The following VSTM2L variants were observed in gnomAD, a reference collection of about 807,000 sequenced individuals.
VSTM2L encodes V-set and transmembrane domain containing 2 like, also known as V-set and transmembrane domain-containing protein 2-like protein.
VSTM2L carries 9 observed loss-of-function variants against 19.9 expected under a neutral mutation model. That is an observed-to-expected ratio of 0.45 (90% confidence interval 0.27 to 0.79). The LOEUF (loss-of-function observed/expected upper bound fraction) is 0.79. Ranked by LOEUF, VSTM2L falls within the 30% of genes least tolerant of loss-of-function variation. The pLI, the probability that VSTM2L is intolerant of heterozygous loss-of-function variation, is 0.15. For missense variants in VSTM2L, 286 were observed against 295.5 expected, an observed-to-expected ratio of 0.97 and a Z score of 0.24; for synonymous variants, 127 against 133.8, an observed-to-expected ratio of 0.95 and a Z score of 0.35.
chr20:37,911,257 A>AAAAAAAAAAAAAAAAAAAAAG (rs1555839035), intron 1 of VSTM2L, among the ~76,000 whole-genome samples: 1 of 131,602 alleles, frequency 7.6e-6, no homozygotes, highest in African/African-American at 3.4e-5. Context: ...AAAAAAAAAA[A>AAAAAAAAAAAAAAAAAAAAAG]AAGCTGGGAT....
intron 1 of VSTM2L, among the ~76,000 whole-genome samples, chr20:37,918,407 G>A (rs923285387): frequency 6.6e-6 from 1 of 152,134 alleles, no homozygotes; most frequent in African/African-American, 2.4e-5. Flanking sequence ...CCTAACCTTC[G>A]CCAGTCTCCC....
chr20:37,910,954 G>T (rs1362332498), intron 1 of VSTM2L, among the ~76,000 whole-genome samples: 3 of 150,006 alleles, frequency 2.0e-5, no homozygotes, highest in East Asian at 1.9e-4. Context: ...AGAAGAAGAA[G>T]AATATATACG....
intron 1 of VSTM2L, among the ~76,000 whole-genome samples, chr20:37,914,883 G>T (rs1401782606): frequency 6.6e-6 from 1 of 152,198 alleles, no homozygotes; most frequent in Non-Finnish European, 1.5e-5. Context: ...GTGGGGTCTT[G>T]ACTGACCCCT....
intron 2 of VSTM2L, 33 bp downstream of exon 2, chr20:37,931,837 TG>T: frequency 2.5e-6 from 4 of 1,603,430 alleles, no homozygotes; most frequent in Non-Finnish European, 3.4e-6. Context: ...CAAGCTGGGC[TG>T]GGGAAGTCCT....
At chr20:37,907,631 C>A (rs1311675337) in intron 1 of VSTM2L, among the ~76,000 whole-genome samples, 8 of 152,066 alleles carry the variant, frequency 5.3e-5, no homozygotes, top group Non-Finnish European at 1.5e-5. Context: ...CAGCAGACAA[C>A]TCCCCTCCCA....
intron 3 of VSTM2L, among the ~76,000 whole-genome samples, chr20:37,943,057 T>G (rs1194984047): frequency 6.6e-6 from 1 of 151,496 alleles, no homozygotes; most frequent in Non-Finnish European, 1.5e-5. Context: ...CTCCGCCTCC[T>G]GGGTTGTTCA....
Position 37,933,447 on chromosome 20 carries a change from C to T in VSTM2L, c.292-92C>T, listed in dbSNP as rs748197677. 4 of 1,038,744 alleles carry T rather than the reference C, an allele frequency of 3.9e-6. 1 individual carries two copies. In the South Asian group the frequency reaches 4.3e-5, roughly 11 times the overall value. The allele number at this position is 1,038,744 out of a possible 1,614,324, so 64.3% of individuals were successfully genotyped here. On this transcript the variant is annotated intron_variant, in intron 2 of 3. Coordinates refer to ENST00000373461, the MANE Select transcript of VSTM2L (RefSeq NM_080607.3). Reference sequence around the variant, plus strand: ...TGAGAATCTTAGCGGTTGTCCGTATCCCTATAATGTGTCTCCCCACACTGC... The same window carrying T: ...TGAGAATCTTAGCGGTTGTCCGTATTCCTATAATGTGTCTCCCCACACTGC...
At chr20:37,903,900 G>C (rs56356566) in intron 1 of VSTM2L, among the ~76,000 whole-genome samples, 2,895 of 152,256 alleles carry the variant, frequency 0.019, 84 homozygotes, top group African/African-American at 0.065. Flanking sequence ...TGGCGCACAC[G>C]CTTCGCCACA....
At chr20:37,939,324 G>C (rs563105742) in intron 3 of VSTM2L, among the ~76,000 whole-genome samples, 2 of 151,758 alleles carry the variant, frequency 1.3e-5, no homozygotes, top group Non-Finnish European at 2.9e-5. Flanking sequence ...GTGCTGAAGC[G>C]GGAGGATTGC....
intron 1 of VSTM2L, among the ~76,000 whole-genome samples, chr20:37,925,688 TC>T (rs142994065): frequency 6.6e-6 from 1 of 152,118 alleles, no homozygotes; most frequent in African/African-American, 2.4e-5. Context: ...TGAGGGTGCC[TC>T]CCCTAACCCA....
At chr20:37,922,899 G>C (rs2045546813) in intron 1 of VSTM2L, among the ~76,000 whole-genome samples, 1 of 151,482 alleles carries the variant, frequency 6.6e-6, no homozygotes, top group Non-Finnish European at 1.5e-5. Context: ...GGGCTGCAGG[G>C]CCCACGCGTG....
chr20:37,916,741 A>G (rs531022183), intron 1 of VSTM2L, among the ~76,000 whole-genome samples: 15 of 152,366 alleles, frequency 9.8e-5, no homozygotes, highest in African/African-American at 3.6e-4. Flanking sequence ...AAACACCTCT[A>G]TGAAAAGTAA....
chr20:37,934,436 A>T (rs1240400793), intron 3 of VSTM2L, among the ~76,000 whole-genome samples: 2 of 152,170 alleles, frequency 1.3e-5, no homozygotes, highest in African/African-American at 2.4e-5. Context: ...CAGGGGCGTG[A>T]GGCAAGCCTG....
At chr20:37,910,261 G>A (rs1340688325) in intron 1 of VSTM2L, among the ~76,000 whole-genome samples, 1 of 152,236 alleles carries the variant, frequency 6.6e-6, no homozygotes, top group African/African-American at 2.4e-5. Context: ...TGGTGGGTTA[G>A]TTTATAGAAA....
intron 1 of VSTM2L, among the ~76,000 whole-genome samples, chr20:37,905,700 A>G (rs1013612315): frequency 1.3e-5 from 2 of 152,038 alleles, no homozygotes; most frequent in African/African-American, 4.8e-5. Flanking sequence ...TTCCCCCGAC[A>G]TTGCCAGGTT....
At chr20:37,912,012 A>G (rs1157565475) in intron 1 of VSTM2L, among the ~76,000 whole-genome samples, 1 of 152,210 alleles carries the variant, frequency 6.6e-6, no homozygotes, top group Non-Finnish European at 1.5e-5. Context: ...ACCAAACAGC[A>G]GCCAGCGTTC....
intron 3 of VSTM2L, among the ~76,000 whole-genome samples, chr20:37,936,666 A>G (rs959065257): frequency 6.6e-6 from 1 of 152,024 alleles, no homozygotes; most frequent in Non-Finnish European, 1.5e-5. Context: ...CCAGGCGGGG[A>G]CCGTGAGGAC....
At chr20:37,926,657 A>G (rs1417030400) in intron 1 of VSTM2L, among the ~76,000 whole-genome samples, 1 of 152,236 alleles carries the variant, frequency 6.6e-6, no homozygotes, top group Non-Finnish European at 1.5e-5. Context: ...CTCTACCAGC[A>G]CAAGGCATTT....
At chr20:37,937,508 A>G (rs1344320147) in intron 3 of VSTM2L, among the ~76,000 whole-genome samples, 1 of 152,192 alleles carries the variant, frequency 6.6e-6, no homozygotes, top group Non-Finnish European at 1.5e-5. Context: ...TTGTGCTAAA[A>G]TTGAGGTTAA....
Sources: gnomAD v4.1 joint callset for allele counts (sites outside exome capture counted in the v4.1 genomes callset) on GRCh38, gnomAD v4.1.1 for gene constraint, MANE v1.5 for transcripts, NCBI Gene and HGNC (gene_info 2026-07-23, HGNC 2026-07-21) for gene names.